The following SMCHD1 variants were observed in gnomAD, a reference collection of about 807,000 sequenced individuals.
The protein encoded by SMCHD1 is structural maintenance of chromosomes flexible hinge domain-containing protein 1.
SMCHD1 carries 78 observed loss-of-function variants against 254.7 expected under a neutral mutation model. The ratio of observed to expected loss-of-function variants is 0.31; its 90% CI spans 0.26 to 0.37. The LOEUF is 0.37. Among genes scored for constraint, SMCHD1 ranks in the 10% least tolerant of loss-of-function variants. SMCHD1 has a pLI of 1.00. For missense variants in SMCHD1, 1,840 were observed against 2,408.1 expected (o/e 0.76, Z 4.94); for synonymous variants, 766 against 794.9 (o/e 0.96, Z 0.61).
Position 2,795,990 on chromosome 18 carries a change from A to G in SMCHD1, c.5761A>G (p.Ser1921Gly). Residue 1921 changes from serine (S) to glycine (G), a missense_variant, in exon 46 of 48, where the codon AGT (serine) becomes GGT (glycine). Physicochemically the swap from Ser to Gly is moderately conservative, Grantham distance 56. This residue lies in a region of SMCHD1 where 132 missense variants were observed against 138.2 expected (regional missense o/e 0.95). Transcript: ENST00000320876. ...QYRSAVCKLDSVNKDLNSQLE... is the reference protein window; with the variant it reads ...QYRSAVCKLDGVNKDLNSQLE... ...TCGTTCTGCTGTGTGCAAACTAGAC[A>G]GTGTGAATAAGGATCTTAACAGTCA... The G allele has an allele frequency of 6.3e-7, 1 of 1,598,126 alleles. No homozygotes were observed. Among genetic ancestry groups the G allele is most frequent in the Non-Finnish European group, 8.5e-7 (1 of 1,171,994 alleles).
intron 4 of SMCHD1, 73 bp downstream of exon 4, chr18:2,673,436 G>T: frequency 1.0e-6 from 1 of 990,270 alleles, no homozygotes; most frequent in Non-Finnish European, 1.4e-6. Flanking sequence ...TGGAGAAAAT[G>T]AGAAAATAGA....
chr18:2,666,017 T>C (rs1449740059), intron 1 of SMCHD1, 140 bp from the exon 2 acceptor site: 1 of 482,968 alleles, frequency 2.1e-6, no homozygotes, highest in African/African-American at 2.0e-5. Context: ...AATTTAGATA[T>C]ACTGAGTTTT....
intron 24 of SMCHD1, among the ~76,000 whole-genome samples, chr18:2,729,723 T>TTTTAA: frequency 6.6e-6 from 1 of 151,244 alleles, no homozygotes; most frequent in African/African-American, 2.4e-5. Flanking sequence ...TTTTTTTTTT[T>TTTTAA]AAAGAGATAG....
intron 1 of SMCHD1, among the ~76,000 whole-genome samples, chr18:2,664,218 G>A (rs971545372): frequency 6.6e-6 from 1 of 152,094 alleles, no homozygotes; most frequent in South Asian, 2.1e-4. Context: ...GCCTGAATAT[G>A]TATTATCAAA....
intron 17 of SMCHD1, among the ~76,000 whole-genome samples, chr18:2,709,948 GTC>G (rs1295424399): frequency 1.2e-4 from 18 of 152,140 alleles, no homozygotes; most frequent in Admixed American, 9.8e-4. Context: ...TGCTTTTGGT[GTC>G]TTATCCAAGA....
chr18:2,724,017 A>G (rs189993257), intron 20 of SMCHD1, among the ~76,000 whole-genome samples: 3 of 150,948 alleles, frequency 2.0e-5, no homozygotes, highest in Admixed American at 1.3e-4. Context: ...TTTTTTCTTT[A>G]TGTTTTCCTT....
chr18:2,745,574 T>G (rs1039112083), intron 29 of SMCHD1, among the ~76,000 whole-genome samples: 4 of 152,192 alleles, frequency 2.6e-5, no homozygotes, highest in African/African-American at 9.6e-5. Context: ...CTGGGAGCAC[T>G]TACAAAACAT....
In SMCHD1 at chr18:2,748,380, G is replaced by GTGTGTGTGTGTGTGTA. The variant is rs561439889; in HGVS notation, c.3927+736_3927+737insGTGTGTGTGTGTATGT. On this transcript the variant is annotated intron_variant, in intron 30 of 47. Coordinates refer to ENST00000320876, the MANE Select transcript of SMCHD1 (RefSeq NM_015295.3). ...TGTGTGTGTGTGTGTGTGTGTGTGT[G>GTGTGTGTGTGTGTGTA]TGTATATAAATTTTTTTTTTTTTTT... Among the ~76,000 whole-genome samples, 68 of 80,242 alleles carry GTGTGTGTGTGTGTGTA rather than the reference G, an allele frequency of 8.5e-4. 8 individuals are homozygous for GTGTGTGTGTGTGTGTA. The highest frequency in any genetic ancestry group is 4.5e-3 in the African/African-American group (65 of 14,554). 52.6% of individuals were successfully genotyped at this position (80,242 alleles called of 152,430 possible). A position where few individuals can be genotyped will look rare whatever the true frequency, so the allele number is the denominator to read the frequency against.
rs748915369 is a variant in SMCHD1, at chr18:2,739,409, T to A, written c.3426-23T>A. 1.0e-5 allele frequency: 16 copies of A among 1,588,456 alleles called. No homozygotes were observed. The East Asian group carries it at 3.4e-4, about 33-fold the overall frequency. On this transcript the variant is annotated intron_variant, in intron 26 of 47. Coordinates refer to ENST00000320876, the MANE Select transcript of SMCHD1 (RefSeq NM_015295.3). ...TCAATTAATGGTGTCACTAAAGACTTCTAACTTGTTAAACAATTTCAGACC... is the reference window on the plus strand; with the variant it reads ...TCAATTAATGGTGTCACTAAAGACTACTAACTTGTTAAACAATTTCAGACC...
intron 17 of SMCHD1, among the ~76,000 whole-genome samples, chr18:2,708,887 T>TTC (rs1194087827): frequency 1.4e-5 from 1 of 73,198 alleles, no homozygotes; most frequent in Non-Finnish European, 2.5e-5. Context: ...TATATATATA[T>TTC]ATATATATAT....
At chr18:2,707,740 G>A in intron 16 of SMCHD1, 67 bp from the exon 17 acceptor site, 1 of 1,475,024 alleles carries the variant, frequency 6.8e-7, no homozygotes, top group Non-Finnish European at 9.4e-7. Context: ...AAAATGCAAT[G>A]GGAAGATTTG....
At position 2,718,151 on chromosome 18, in the gene SMCHD1, T is replaced by C. The variant is rs1598360357; in HGVS notation, c.2261-7T>C. On this transcript the variant is annotated splice_region_variant and splice_polypyrimidine_tract_variant and intron_variant, in intron 17 of 47. Coordinates refer to ENST00000320876, the MANE Select transcript of SMCHD1 (RefSeq NM_015295.3). The surrounding 1 kb of genome is among the most constrained non-coding windows in gnomAD (Gnocchi z 4.6). ...AGACACTATTGTTTCTTTTTTCTTTTATTAAGCTTCAAGTGGAAATAAAGA... is the reference window on the plus strand; with the variant it reads ...AGACACTATTGTTTCTTTTTTCTTTCATTAAGCTTCAAGTGGAAATAAAGA... 7 of 1,597,916 alleles carry C rather than the reference T, an allele frequency of 4.4e-6. No individual in the cohort carries two copies. The highest frequency in any genetic ancestry group is 6.0e-6 in the Non-Finnish European group (7 of 1,171,298).
intron 36 of SMCHD1, among the ~76,000 whole-genome samples, chr18:2,763,178 C>T (rs1206448266): frequency 6.6e-6 from 1 of 152,152 alleles, no homozygotes; most frequent in Non-Finnish European, 1.5e-5. Flanking sequence ...TTGGGGTAAA[C>T]GGTGCCATAG....
Position 2,673,597 on chromosome 18 carries a change from CAT to C in SMCHD1, c.507+235_507+236del, listed in dbSNP as rs113724296. On this transcript the variant is annotated intron_variant, in intron 4 of 47. Coordinates refer to ENST00000320876, the MANE Select transcript of SMCHD1 (RefSeq NM_015295.3). Reference sequence around the variant, plus strand: ...CTTTCCCTTAACAGTACATTGTTAACATGTGTCATATCATGAATGTTCTGCAA... The same window carrying C: ...CTTTCCCTTAACAGTACATTGTTAACGTGTCATATCATGAATGTTCTGCAA... Among the ~76,000 whole-genome samples the C allele has an allele frequency of 0.17, 26,073 of 152,036 alleles. 5,454 individuals are homozygous for C. Among genetic ancestry groups the C allele is most frequent in the African/African-American group, 0.5 (20,729 of 41,360 alleles).
At chr18:2,658,993 A>G (rs1428303011) in intron 1 of SMCHD1, among the ~76,000 whole-genome samples, 1 of 152,116 alleles carries the variant, frequency 6.6e-6, no homozygotes, top group Non-Finnish European at 1.5e-5. Flanking sequence ...TATTTATTAG[A>G]ACCATCACTT....
At chr18:2,781,785 GA>G (rs377157220) in intron 44 of SMCHD1, among the ~76,000 whole-genome samples, 1 of 152,006 alleles carries the variant, frequency 6.6e-6, no homozygotes, top group Non-Finnish European at 1.5e-5. Context: ...AAGAGGGTCA[GA>G]AAAAAATATT....
Position 2,655,844 on chromosome 18 carries a change from G to A in SMCHD1, c.-232G>A, listed in dbSNP as rs1055068929. The A allele has an allele frequency of 1.1e-5, 4 of 349,874 alleles. No individual in the cohort carries two copies. Among genetic ancestry groups the A allele is most frequent in the Admixed American group, 4.8e-5 (1 of 20,958 alleles). The allele number at this position is 349,874 out of a possible 1,614,324, so 21.7% of individuals were successfully genotyped here. A position where few individuals can be genotyped will look rare whatever the true frequency, so the allele number is the denominator to read the frequency against. ...GCGCGTCCCCTTCTCCTCAGGAGTG[G>A]CGGGCCGCGGAAGTGACGTGGTGCA... On this transcript the variant is annotated 5_prime_UTR_variant, in exon 1 of 48. Coordinates refer to ENST00000320876, the MANE Select transcript of SMCHD1 (RefSeq NM_015295.3).
chr18:2,708,915 T>TATATATATATATAAC lies in SMCHD1; in HGVS notation c.2260+996_2260+997insTATATATATATAACA, dbSNP rs1568199419. Among the ~76,000 whole-genome samples, 41 of 90,462 alleles carry TATATATATATATAAC rather than the reference T, an allele frequency of 4.5e-4. 3 individuals carry two copies. Among genetic ancestry groups the TATATATATATATAAC allele is most frequent in the South Asian group, 8.6e-4 (2 of 2,324 alleles). The allele number at this position is 90,462 out of a possible 152,430, so 59.3% of individuals were successfully genotyped here. ...ATATATATATATATATATAACATAT[T>TATATATATATATAAC]AACATGAAATTTATGAAGTGGCATT... On this transcript the variant is annotated intron_variant, in intron 17 of 47. Transcript: ENST00000320876.
At chr18:2,697,754 C>G in intron 9 of SMCHD1, 77 bp from the exon 10 acceptor site, 16 of 896,628 alleles carry the variant, frequency 1.8e-5, no homozygotes, top group Non-Finnish European at 2.8e-5. Context: ...TTTACTTATT[C>G]TGTTGTTGAA....
Sources: allele counts gnomAD v4.1 joint callset (sites outside exome capture counted in the v4.1 genomes callset), GRCh38; gene constraint gnomAD v4.1.1; regional missense constraint gnomAD v4.1.1; non-coding constraint Gnocchi (gnomAD v3.1); transcripts MANE v1.5; gene names NCBI Gene and HGNC (gene_info 2026-07-23, HGNC 2026-07-21).